The following RHOH variants were observed in gnomAD, a reference collection of about 807,000 sequenced individuals.
The protein encoded by RHOH is rho-related GTP-binding protein RhoH.
A neutral mutation model predicts 13.8 loss-of-function variants in RHOH; 6 were observed. That is an observed-to-expected ratio of 0.44 (90% CI 0.24 to 0.86). The LOEUF (loss-of-function observed/expected upper bound fraction) is 0.86, where lower values mean the gene tolerates loss of function less well. RHOH is among the 40% of genes least tolerant of loss of function. The probability of loss-of-function intolerance (pLI) is 0.24; values close to 1 mark genes in which losing one functional copy is unlikely to be tolerated. For missense variants in RHOH, 147 were observed against 244.5 expected (o/e 0.60, Z 2.66); for synonymous variants, 117 against 103.0 (o/e 1.14, Z -0.82).
intron 1 of RHOH, among the ~76,000 whole-genome samples, chr4:40,221,196 C>T (rs981644026): frequency 6.6e-6 from 1 of 152,186 alleles, no homozygotes; most frequent in African/African-American, 2.4e-5. Flanking sequence ...GACCTTTCCT[C>T]TGCCTGGGCC....
intron 1 of RHOH, among the ~76,000 whole-genome samples, chr4:40,241,876 C>T (rs1729296496): frequency 6.6e-6 from 1 of 151,970 alleles, no homozygotes; most frequent in Admixed American, 6.6e-5. Context: ...GGCGACAGAG[C>T]GAGATCCTGT....
intron 1 of RHOH, among the ~76,000 whole-genome samples, chr4:40,199,844 C>T (rs1723727714): frequency 6.6e-6 from 1 of 152,204 alleles, no homozygotes; most frequent in Non-Finnish European, 1.5e-5. Flanking sequence ...AAGCATCCTC[C>T]TTCCCCATTC....
At position 40,239,809 on chromosome 4, in the gene RHOH, T is replaced by A. The variant is rs571076374; in HGVS notation, c.-330-2905T>A. The stretch of plus-strand genomic sequence containing the variant: ...AGGAGAATCACTTGAACCCGGGAGT[T>A]GGAGGTTGCAGTGAGCTGAGATCAC... On this transcript the variant is annotated intron_variant, in intron 1 of 2. Transcript: ENST00000381799. 6.9e-4 allele frequency among the ~76,000 whole-genome samples: 104 copies of A among 151,818 alleles called. 1 individual carries two copies. The East Asian group carries it at 0.018, about 26-fold the overall frequency.
chr4:40,196,731 G>A (rs950758540), upstream of RHOH, among the ~76,000 whole-genome samples: 5 of 144,014 alleles, frequency 3.5e-5, no homozygotes, highest in Admixed American at 3.6e-4. Flanking sequence ...ACTTCCATGA[G>A]GAATCATTTG....
intron 1 of RHOH, among the ~76,000 whole-genome samples, chr4:40,238,324 C>A (rs528559866): frequency 6.6e-6 from 1 of 152,312 alleles, no homozygotes; most frequent in Admixed American, 6.5e-5. Flanking sequence ...TAGGATGGCA[C>A]AGAGCGAGCC....
chr4:40,213,360 CT>C (rs11358011), intron 1 of RHOH, among the ~76,000 whole-genome samples: 62,855 of 143,808 alleles, frequency 0.44, 15,835 homozygotes, highest in Non-Finnish European at 0.58. Flanking sequence ...TCTCGTTTCT[CT>C]TTTTTTTTTT....
upstream of RHOH, among the ~76,000 whole-genome samples, chr4:40,194,760 C>T (rs577305825): frequency 3.4e-4 from 51 of 152,188 alleles, no homozygotes; most frequent in Non-Finnish European, 4.9e-4. Context: ...TCTCCTGCTG[C>T]ACTCTCCCTG....
chr4:40,198,851 A>C (rs540888115), intron 1 of RHOH, among the ~76,000 whole-genome samples: 1 of 152,226 alleles, frequency 6.6e-6, no homozygotes, highest in African/African-American at 2.4e-5. Context: ...GCATGTCTAA[A>C]TGAGATGGCA....
intron 1 of RHOH, among the ~76,000 whole-genome samples, chr4:40,226,128 T>C (rs992905036): frequency 2.7e-5 from 4 of 149,944 alleles, no homozygotes; most frequent in Non-Finnish European, 5.9e-5. Context: ...TCAGTTGCCT[T>C]AAAAAAAAAA....
At chr4:40,210,788 A>G (rs1037508882) in intron 1 of RHOH, among the ~76,000 whole-genome samples, 2 of 152,186 alleles carry the variant, frequency 1.3e-5, no homozygotes, top group African/African-American at 4.8e-5. Context: ...ATCCCACTCT[A>G]TATGTATAAA....
intron 1 of RHOH, among the ~76,000 whole-genome samples, chr4:40,205,319 T>C (rs1452518408): frequency 1.3e-5 from 2 of 152,138 alleles, no homozygotes; most frequent in African/African-American, 4.8e-5. Context: ...CTCTAGAGTG[T>C]AGTGAGTAGT....
intron 1 of RHOH, among the ~76,000 whole-genome samples, chr4:40,222,553 A>G (rs185975472): frequency 6.6e-6 from 1 of 152,352 alleles, no homozygotes; most frequent in Non-Finnish European, 1.5e-5. Context: ...CTACTGAATA[A>G]TTTAAGCCCA....
chr4:40,220,001 G>A (rs1878892), intron 1 of RHOH, among the ~76,000 whole-genome samples: 64,656 of 152,116 alleles, frequency 0.43, 16,388 homozygotes, highest in Non-Finnish European at 0.57. Flanking sequence ...GGTAAAGCAG[G>A]GACAGGGCCG....
At chr4:40,194,336 A>G (rs1560674450), upstream of RHOH, among the ~76,000 whole-genome samples, 1 of 151,870 alleles carries the variant, frequency 6.6e-6, no homozygotes, top group East Asian at 1.9e-4. Context: ...TCAAGCAATT[A>G]TCCTGCCTCA....
intron 1 of RHOH, chr4:40,240,028 A>G (rs1304112461): frequency 6.6e-6 from 1 of 152,284 alleles, no homozygotes; most frequent in African/African-American, 2.4e-5. Context: ...CAAGTTCGTC[A>G]CATAGGTAGT....
chr4:40,238,551 C>A (rs917046674), intron 1 of RHOH, among the ~76,000 whole-genome samples: 1 of 152,196 alleles, frequency 6.6e-6, no homozygotes, highest in Non-Finnish European at 1.5e-5. Context: ...CAACGTGAAG[C>A]CTCCCTTCCC....
intron 1 of RHOH, among the ~76,000 whole-genome samples, chr4:40,199,737 C>A (rs896090639): frequency 6.6e-6 from 1 of 152,146 alleles, no homozygotes; most frequent in African/African-American, 2.4e-5. Context: ...CAAGGCACAG[C>A]TAAAATTCCA....
chr4:40,197,025 T>A (rs1723218591), upstream of RHOH: 1 of 151,414 alleles, frequency 6.6e-6, no homozygotes, highest in African/African-American at 2.4e-5. Context: ...CTTGCTAATC[T>A]CTTTTGTCAC....
rs974575223 is a variant in RHOH, at chr4:40,202,911, A to T, written c.-331+5611A>T. Among the ~76,000 whole-genome samples the T allele has an allele frequency of 2.6e-5, 4 of 152,302 alleles. No individual in the cohort carries two copies. The East Asian group carries it at 5.8e-4, about 22-fold the overall frequency. On this transcript the variant is annotated intron_variant, in intron 1 of 2. Coordinates refer to ENST00000381799, the MANE Select transcript of RHOH (RefSeq NM_004310.5). ...AAAATAGGGGCTGACACCAGAAAGGAAATGATTTTTGTAGAGCAATGGTTC... is the reference window on the plus strand; with the variant it reads ...AAAATAGGGGCTGACACCAGAAAGGTAATGATTTTTGTAGAGCAATGGTTC...
Sources: gnomAD v4.1 joint callset for allele counts (sites outside exome capture counted in the v4.1 genomes callset) on GRCh38, gnomAD v4.1.1 for gene constraint, MANE v1.5 for transcripts, NCBI Gene and HGNC (gene_info 2026-07-23, HGNC 2026-07-21) for gene names.